The following TPST1 variants were observed in gnomAD, a reference collection of about 807,000 sequenced individuals.
The protein encoded by TPST1 is protein-tyrosine sulfotransferase 1.
A neutral mutation model predicts 34.8 loss-of-function variants in TPST1; 20 were observed. That is an observed-to-expected ratio of 0.57 (90% CI 0.40 to 0.84). TPST1 has a LOEUF of 0.84. TPST1 is among the 40% of genes least tolerant of loss of function. The pLI, the probability that TPST1 is intolerant of heterozygous loss-of-function variation, is 0.00. For synonymous variants in TPST1, 152 were observed against 159.4 expected (o/e 0.95, Z 0.35); for missense variants, 353 against 455.5 (o/e 0.78, Z 2.05).
chr7:66,225,285 T>C (rs1032892193), intron 1 of TPST1, among the ~76,000 whole-genome samples: 1 of 152,102 alleles, frequency 6.6e-6, no homozygotes, highest in Non-Finnish European at 1.5e-5. Flanking sequence ...ATTGATCTGC[T>C]GTCTGAAAAT....
chr7:66,311,056 A>G (rs1447686671), intron 3 of TPST1, among the ~76,000 whole-genome samples: 1 of 152,106 alleles, frequency 6.6e-6, no homozygotes, highest in Non-Finnish European at 1.5e-5. Context: ...TAGGCCTTCA[A>G]AGCAACAACC....
chr7:66,340,957 G>A (rs1792225974), intron 3 of TPST1, among the ~76,000 whole-genome samples: 1 of 152,128 alleles, frequency 6.6e-6, no homozygotes, highest in African/African-American at 2.4e-5. Flanking sequence ...GGTGCACCAA[G>A]CCGAGATCAT....
chr7:66,246,916 T>C (rs914809107), intron 2 of TPST1, among the ~76,000 whole-genome samples: 1 of 152,186 alleles, frequency 6.6e-6, no homozygotes, highest in Admixed American at 6.5e-5. Context: ...TGGGGTTCCT[T>C]TTACTAAGAA....
chr7:66,318,615 C>T (rs927316593), intron 3 of TPST1, among the ~76,000 whole-genome samples: 6 of 152,030 alleles, frequency 3.9e-5, no homozygotes, highest in Admixed American at 6.5e-5. Context: ...TACAGGTGCC[C>T]GCCACCACGC....
chr7:66,276,654 T>G (rs575187043), intron 2 of TPST1, among the ~76,000 whole-genome samples: 158 of 152,184 alleles, frequency 1.0e-3, no homozygotes, highest in African/African-American at 3.5e-3. Flanking sequence ...CTTGTCTTCC[T>G]TCTAGTTTAG....
intron 3 of TPST1, among the ~76,000 whole-genome samples, chr7:66,320,981 G>A (rs1791745654): frequency 6.6e-6 from 1 of 152,216 alleles, no homozygotes; most frequent in Admixed American, 6.5e-5. Flanking sequence ...TTGATACACA[G>A]TATCTTTGTA....
rs1172874579 is a variant in TPST1, at chr7:66,252,465, C to G, written c.845+11195C>G. ...CACACCATTCTCCTGCCTCAGTCTC[C>G]CAAGTAGCAGGGACTGCAGGCGCCC... On this transcript the variant is annotated intron_variant, in intron 2 of 5. Transcript: ENST00000304842. Among the ~76,000 whole-genome samples, 3 of 151,890 alleles carry G rather than the reference C, an allele frequency of 2.0e-5. 1 individual carries two copies. Among genetic ancestry groups the G allele is most frequent in the Admixed American group, 2.0e-4 (3 of 15,250 alleles).
At chr7:66,266,727 C>G (rs1790599776) in intron 2 of TPST1, among the ~76,000 whole-genome samples, 1 of 152,180 alleles carries the variant, frequency 6.6e-6, no homozygotes, top group South Asian at 2.1e-4. Context: ...GTGATACATA[C>G]AACATGGTTG....
At chr7:66,340,707 A>C (rs925102047) in intron 3 of TPST1, among the ~76,000 whole-genome samples, 3 of 152,356 alleles carry the variant, frequency 2.0e-5, no homozygotes, top group African/African-American at 7.2e-5. Context: ...CTCTGTGATG[A>C]AAACTGTAAA....
chr7:66,229,659 T>A (rs553346401), intron 1 of TPST1, among the ~76,000 whole-genome samples: 29 of 152,326 alleles, frequency 1.9e-4, no homozygotes, highest in Middle Eastern at 3.4e-3. Context: ...AATGCCATTG[T>A]TGTATGGTAA....
intron 2 of TPST1, among the ~76,000 whole-genome samples, chr7:66,253,573 G>T (rs574971289): frequency 6.6e-6 from 1 of 151,110 alleles, no homozygotes; most frequent in East Asian, 2.0e-4. Flanking sequence ...GGATTTCACC[G>T]TGTTAACCAG....
At chr7:66,200,283 T>TGGCAGCAAGCACTGGCCC in the TPST1 span, among the ~76,000 whole-genome samples, 5 of 152,268 alleles carry the variant, frequency 3.3e-5, no homozygotes, top group South Asian at 1.0e-3. Context: ...CTCACTGGGA[T>TGGCAGCAAGCACTGGCCC]GGCAGCAAGC....
intron 2 of TPST1, among the ~76,000 whole-genome samples, chr7:66,284,707 C>T (rs180906680): frequency 4.4e-4 from 67 of 152,122 alleles, no homozygotes; most frequent in Non-Finnish European, 4.9e-4. Flanking sequence ...CAGACATGCA[C>T]CACCACACCT....
intron 5 of TPST1, among the ~76,000 whole-genome samples, chr7:66,357,388 C>T (rs1028328080): frequency 6.6e-6 from 1 of 152,204 alleles, no homozygotes; most frequent in Non-Finnish European, 1.5e-5. Context: ...GCTGGACTTG[C>T]AGATGTTTTT....
chr7:66,203,986 G>A (rs939678542), upstream of TPST1, among the ~76,000 whole-genome samples: 46 of 152,120 alleles, frequency 3.0e-4, no homozygotes, highest in Admixed American at 1.2e-3. Context: ...AGATCAGCCT[G>A]GGCAACTTGA....
chr7:66,283,931 A>G (rs879557442), intron 2 of TPST1, among the ~76,000 whole-genome samples: 6 of 152,198 alleles, frequency 3.9e-5, no homozygotes, highest in African/African-American at 7.2e-5. Context: ...TCAAACCCAC[A>G]TAGTGGGTAT....
intron 3 of TPST1, among the ~76,000 whole-genome samples, chr7:66,328,886 C>CTCTCTATATATATA (rs757168858): frequency 3.2e-4 from 7 of 22,094 alleles, no homozygotes; most frequent in Non-Finnish European, 2.9e-4. Context: ...CTCTCTCTCT[C>CTCTCTATATATATA]TATATATATA....
intron 2 of TPST1, among the ~76,000 whole-genome samples, chr7:66,282,609 C>A (rs1790953878): frequency 6.6e-6 from 1 of 152,100 alleles, no homozygotes; most frequent in Non-Finnish European, 1.5e-5. Flanking sequence ...TCCAGGTCTG[C>A]GTTCTCTCCA....
At chr7:66,358,321 A>G (rs891940441) in intron 5 of TPST1, among the ~76,000 whole-genome samples, 1 of 148,776 alleles carries the variant, frequency 6.7e-6, no homozygotes, top group Admixed American at 6.7e-5. Flanking sequence ...TTACTTGCTG[A>G]CCTTTGTTTT....
Sources: gnomAD v4.1 joint callset for allele counts (sites outside exome capture counted in the v4.1 genomes callset) on GRCh38, gnomAD v4.1.1 for gene constraint, MANE v1.5 for transcripts, NCBI Gene and HGNC (gene_info 2026-07-23, HGNC 2026-07-21) for gene names.